Variants in METAP1D observed in about 807,000 individuals in gnomAD.
METAP1D encodes methionyl aminopeptidase type 1D, mitochondrial, also known as methionine aminopeptidase 1D, mitochondrial.
METAP1D carries 31 observed loss-of-function variants against 40.5 expected under a neutral mutation model. The observed-to-expected ratio is 0.77, with a 90% CI of 0.58 to 1.03. The LOEUF (loss-of-function observed/expected upper bound fraction) is 1.03. METAP1D is among the 50% of genes least tolerant of loss of function. METAP1D has a pLI of 0.00. For missense variants in METAP1D, 411 were observed against 420.7 expected (o/e 0.98, Z 0.20); for synonymous variants, 151 against 146.4 (o/e 1.03, Z -0.22).
chr2:172,040,118 C>G (rs1240629314), intron 1 of METAP1D, among the ~76,000 whole-genome samples: 1 of 151,518 alleles, frequency 6.6e-6, no homozygotes, highest in African/African-American at 2.4e-5. Flanking sequence ...CCATCACGCC[C>G]GGCTAATTTT....
intron 1 of METAP1D, among the ~76,000 whole-genome samples, chr2:172,030,101 T>TATTTATTTA: frequency 6.7e-6 from 1 of 150,106 alleles, no homozygotes; most frequent in African/African-American, 2.4e-5. Flanking sequence ...TTTATTTATT[T>TATTTATTTA]TTTTTGAGGC....
intron 5 of METAP1D, among the ~76,000 whole-genome samples, chr2:172,070,437 C>A (rs753285812): frequency 1.3e-4 from 20 of 152,164 alleles, no homozygotes; most frequent in South Asian, 1.0e-3. Context: ...CTTACTTCTT[C>A]TTGTCATTAT....
intron 1 of METAP1D, among the ~76,000 whole-genome samples, chr2:172,054,612 G>A (rs1185239524): frequency 6.6e-6 from 1 of 151,930 alleles, no homozygotes; most frequent in Non-Finnish European, 1.5e-5. Context: ...ACCTATAAAG[G>A]AAAATAAAAT....
rs181021221 is a variant in METAP1D at position 172,027,143 on chromosome 2, G to T, written c.40+27134G>T. Among the ~76,000 whole-genome samples, 29 of 152,292 alleles carry T rather than the reference G, an allele frequency of 1.9e-4. 1 individual carries two copies. The East Asian group carries it at 5.6e-3, about 29-fold the overall frequency. The stretch of plus-strand genomic sequence containing the variant: ...TGTCGGCTGTATGCCAGACACTAGG[G>T]TAGATGATAAATACTAGAAAACTCC... On this transcript the variant is annotated intron_variant, in intron 1 of 9. Transcript: ENST00000315796.
At chr2:172,045,819 GTATATATATATATATATATATA>G (rs796640775) in intron 1 of METAP1D, among the ~76,000 whole-genome samples, 22 of 15,192 alleles carry the variant, frequency 1.4e-3, no homozygotes, top group African/African-American at 6.3e-3. Context: ...GTGTGTGTGT[GTATATATATATATATATATATA>G]TATATATATA....
chr2:172,024,758 G>GTGTGTGTGTA (rs1553491396), intron 1 of METAP1D, among the ~76,000 whole-genome samples: 24,301 of 135,010 alleles, frequency 0.18, 2,336 homozygotes, highest in Non-Finnish European at 0.24. Context: ...TTGTGTGTGT[G>GTGTGTGTGTA]TGTGTGTGTG....
chr2:172,034,135 C>A (rs1265125122), intron 1 of METAP1D, among the ~76,000 whole-genome samples: 3 of 144,648 alleles, frequency 2.1e-5, no homozygotes, highest in East Asian at 2.0e-4. Flanking sequence ...GAAATATTTA[C>A]AGTTGAAATT....
chr2:172,003,738 A>C (rs1688519643), intron 1 of METAP1D, among the ~76,000 whole-genome samples: 1 of 151,962 alleles, frequency 6.6e-6, no homozygotes, highest in Non-Finnish European at 1.5e-5. Context: ...GTGAGAACAG[A>C]CTAATACAGC....
At chr2:172,040,846 A>G (rs1322384621) in intron 1 of METAP1D, among the ~76,000 whole-genome samples, 3 of 144,064 alleles carry the variant, frequency 2.1e-5, no homozygotes, top group Non-Finnish European at 4.5e-5. Flanking sequence ...TCCCGGGTTC[A>G]AGCAATTTTC....
intron 1 of METAP1D, among the ~76,000 whole-genome samples, chr2:172,016,414 TC>T (rs1265253190): frequency 7.0e-6 from 1 of 143,784 alleles, no homozygotes; most frequent in Non-Finnish European, 1.5e-5. Flanking sequence ...GCCCAGAAGT[TC>T]GAGACCAGCC....
intron 2 of METAP1D, among the ~76,000 whole-genome samples, chr2:172,062,559 T>TG (rs1690163396): frequency 2.0e-5 from 3 of 152,232 alleles, no homozygotes; most frequent in Admixed American, 1.3e-4. Flanking sequence ...ACAGCCCTTC[T>TG]GCCTGCAAGT....
At chr2:172,018,083 C>T (rs1286830556) in intron 1 of METAP1D, among the ~76,000 whole-genome samples, 1 of 142,134 alleles carries the variant, frequency 7.0e-6, no homozygotes, top group African/African-American at 2.6e-5. Context: ...GCTGAGATCG[C>T]ACCACTGCAC....
At chr2:172,015,102 A>ACAAAAGC (rs1558994643) in intron 1 of METAP1D, among the ~76,000 whole-genome samples, 2 of 152,252 alleles carry the variant, frequency 1.3e-5, no homozygotes, top group Non-Finnish European at 2.9e-5. Flanking sequence ...ACAAAATTTC[A>ACAAAAGC]TACCCTTTAA....
intron 1 of METAP1D, among the ~76,000 whole-genome samples, chr2:172,043,046 T>C (rs1404032826): frequency 1.7e-5 from 2 of 120,076 alleles, no homozygotes; most frequent in African/African-American, 2.7e-5. Context: ...TGTACACGTG[T>C]ACACATATAT....
rs746837519 is a variant in METAP1D, at chr2:172,063,742, G to A, written c.230G>A (p.Gly77Asp). ...HIKKPDYVTT[G>D]IVPDWGDSIE... ...AAGAAGCCAGACTATGTGACGACAG[G>A]CATTGTACCAGACTGGGGAGACAGC... The change falls in exon 3 of 10, where the codon GGC becomes GAC. Residue 77 changes from glycine to aspartate, a missense_variant. Physicochemically the swap from Gly to Asp is moderately conservative, Grantham distance 94. Transcript: ENST00000315796. 6.2e-7 allele frequency: 1 copy of A among 1,613,808 alleles called. No homozygotes were observed. The highest frequency in any genetic ancestry group is 1.3e-5 in the African/African-American group (1 of 74,878).
intron 1 of METAP1D, among the ~76,000 whole-genome samples, chr2:172,020,269 G>A (rs1688974914): frequency 6.6e-6 from 1 of 152,204 alleles, no homozygotes. Flanking sequence ...ACAGGCGTGA[G>A]CCACCGCGCC....
intron 1 of METAP1D, among the ~76,000 whole-genome samples, chr2:172,046,009 A>T: frequency 6.8e-6 from 1 of 146,748 alleles, no homozygotes; most frequent in Admixed American, 6.8e-5. Context: ...TTTTTTCTGG[A>T]ATCAAAAAAG....
intron 1 of METAP1D, among the ~76,000 whole-genome samples, chr2:172,040,939 C>T (rs923879081): frequency 1.3e-5 from 2 of 151,538 alleles, no homozygotes; most frequent in South Asian, 2.1e-4. Flanking sequence ...TAGAGACGCC[C>T]GGCTAACTTG....
At chr2:172,038,775 A>G (rs1321141042) in intron 1 of METAP1D, among the ~76,000 whole-genome samples, 1 of 152,228 alleles carries the variant, frequency 6.6e-6, no homozygotes, top group Non-Finnish European at 1.5e-5. Context: ...CAGAGCTCAT[A>G]AATTCTCAAT....
Sources: gnomAD v4.1 joint callset for allele counts (sites outside exome capture counted in the v4.1 genomes callset) on GRCh38, gnomAD v4.1.1 for gene constraint, MANE v1.5 for transcripts, NCBI Gene and HGNC (gene_info 2026-07-23, HGNC 2026-07-21) for gene names.